Variants in BCR observed in about 807,000 individuals in gnomAD.
The protein encoded by BCR is BCR activator of RhoGEF and GTPase, also known as breakpoint cluster region protein.
BCR carries 58 observed loss-of-function variants against 138.6 expected under a neutral mutation model. That is an observed-to-expected ratio of 0.42 (90% CI 0.34 to 0.52). The LOEUF is 0.52. BCR is among the 20% of genes least tolerant of loss of function. The probability of loss-of-function intolerance (pLI) is 0.06; values close to 1 mark genes in which losing one functional copy is unlikely to be tolerated. For synonymous variants in BCR, 786 were observed against 730.1 expected (o/e 1.08, Z -1.23); for missense variants, 1,599 against 1,727.2 (o/e 0.93, Z 1.32).
intron 16 of BCR, among the ~76,000 whole-genome samples, chr22:23,295,663 C>G (rs1285095771): frequency 6.6e-6 from 1 of 152,154 alleles, no homozygotes; most frequent in Non-Finnish European, 1.5e-5. Context: ...TCCTCCCAGG[C>G]TAATCTGGAA....
At chr22:23,297,222 T>G (rs767282770) in intron 16 of BCR, among the ~76,000 whole-genome samples, 8 of 133,220 alleles carry the variant, frequency 6.0e-5, no homozygotes, top group Middle Eastern at 3.9e-3. Context: ...TTGTTTTTTG[T>G]TTTTTTTTTT....
chr22:23,301,091 A>C (rs570518519), intron 16 of BCR, among the ~76,000 whole-genome samples: 1 of 152,356 alleles, frequency 6.6e-6, no homozygotes, highest in East Asian at 1.9e-4. Context: ...ATCATTTGAC[A>C]TCAGGAGTTC....
At chr22:23,288,826 G>A (rs1422230144) in intron 12 of BCR, among the ~76,000 whole-genome samples, 5 of 152,190 alleles carry the variant, frequency 3.3e-5, no homozygotes, top group African/African-American at 7.2e-5. Context: ...TGGCAGTGTC[G>A]GTGGGGAAGG....
intron 12 of BCR, among the ~76,000 whole-genome samples, chr22:23,288,594 A>C: frequency 7.1e-6 from 1 of 141,222 alleles, no homozygotes; most frequent in Non-Finnish European, 1.5e-5. Context: ...CTCCTCATCT[A>C]CTCCCCGCCC....
intron 1 of BCR, among the ~76,000 whole-genome samples, chr22:23,203,026 G>GT (rs1172467065): frequency 2.0e-5 from 3 of 151,646 alleles, no homozygotes; most frequent in East Asian, 1.9e-4. Context: ...CTCATCTGTC[G>GT]TTTTTTTTCT....
At chr22:23,233,417 T>C (rs1386495492) in intron 1 of BCR, among the ~76,000 whole-genome samples, 1 of 152,146 alleles carries the variant, frequency 6.6e-6, no homozygotes, top group African/African-American at 2.4e-5. Context: ...AACATGAGGC[T>C]CCCTTCTGTG....
chr22:23,295,559 A>C (rs1434102225), intron 16 of BCR, among the ~76,000 whole-genome samples: 1 of 152,058 alleles, frequency 6.6e-6, no homozygotes, highest in Non-Finnish European at 1.5e-5. Context: ...CAGGGGTCCC[A>C]GAGGCTGCCT....
chr22:23,271,359 G>A (rs954449243), intron 5 of BCR, among the ~76,000 whole-genome samples, 173 bp from the exon 6 acceptor site: 8 of 152,352 alleles, frequency 5.3e-5, no homozygotes, highest in African/African-American at 1.4e-4. Flanking sequence ...GGCATCCTGC[G>A]TGCTCGGCTT....
In BCR at chr22:23,263,365, G is replaced by C. The variant is rs925163341; in HGVS notation, c.1752+1825G>C. On this transcript the variant is annotated intron_variant, in intron 4 of 22. Coordinates refer to ENST00000305877, the MANE Select transcript of BCR (RefSeq NM_004327.4). ...ATAGCCTGGGCCTCGCTCAACTCCG[G>C]CTTCACGCGGCTCGGCACCAACCTG... 4.1e-6 allele frequency: 5 copies of C among 1,220,426 alleles called. No homozygotes were observed. In the African/African-American group the frequency reaches 7.4e-5, roughly 18 times the overall value. The allele number at this position is 1,220,426 out of a possible 1,614,324, so 75.6% of individuals were successfully genotyped here. A position where few individuals can be genotyped will look rare whatever the true frequency, so the allele number is the denominator to read the frequency against.
intron 1 of BCR, among the ~76,000 whole-genome samples, chr22:23,185,759 C>T (rs966501494): frequency 3.3e-5 from 5 of 150,822 alleles, no homozygotes; most frequent in Non-Finnish European, 7.4e-5. Context: ...GGCGGAGCCT[C>T]GCTCTGTCGC....
intron 10 of BCR, among the ~76,000 whole-genome samples, chr22:23,286,172 G>A (rs926130330): frequency 8.5e-5 from 13 of 152,244 alleles, no homozygotes; most frequent in African/African-American, 3.1e-4. Flanking sequence ...TGGGGCCCAG[G>A]CCCAGGTGGC....
intron 20 of BCR, among the ~76,000 whole-genome samples, chr22:23,313,729 C>T (rs908445734): frequency 6.6e-6 from 1 of 152,186 alleles, no homozygotes; most frequent in Non-Finnish European, 1.5e-5. Context: ...GCGGCTCCTC[C>T]TGCTGCTGTT....
At chr22:23,220,307 G>T (rs1158760354) in intron 1 of BCR, among the ~76,000 whole-genome samples, 5 of 152,226 alleles carry the variant, frequency 3.3e-5, no homozygotes, top group Admixed American at 3.3e-4. Context: ...ACAGCTGCAT[G>T]TTTGGTTCTA....
chr22:23,290,142 A>T (rs947640155), intron 13 of BCR, 197 bp from the exon 14 acceptor site: 5 of 660,456 alleles, frequency 7.6e-6, no homozygotes, highest in African/African-American at 1.8e-5. Flanking sequence ...GTATTGTGAA[A>T]CCAGCTGGAT....
chr22:23,191,112 G>C (rs1379685628), intron 1 of BCR, among the ~76,000 whole-genome samples: 1 of 151,852 alleles, frequency 6.6e-6, no homozygotes, highest in Non-Finnish European at 1.5e-5. Flanking sequence ...TTTAATTTTT[G>C]TTGAGACAGG....
At chr22:23,214,384 A>G (rs1245319923) in intron 1 of BCR, among the ~76,000 whole-genome samples, 1 of 152,210 alleles carries the variant, frequency 6.6e-6, no homozygotes, top group Non-Finnish European at 1.5e-5. Context: ...TATGAAAAAG[A>G]TGAAAGAGGA....
rs141263577 is a variant in BCR at position 23,297,182 on chromosome 22, G to A, written c.3012+2027G>A. Among the ~76,000 whole-genome samples, 962 of 148,886 alleles carry A rather than the reference G, an allele frequency of 6.5e-3. 9 individuals carry two copies. The highest frequency in any genetic ancestry group is 0.023 in the African/African-American group (920 of 40,196). ...CTCCCAAGTTGTTGGGATTACAGTC[G>A]TGCCCCACCATGCCTGGCTAAGTTG... On this transcript the variant is annotated intron_variant, in intron 16 of 22. Transcript: ENST00000305877.
chr22:23,192,082 C>T (rs1382766176), intron 1 of BCR, among the ~76,000 whole-genome samples: 5 of 152,206 alleles, frequency 3.3e-5, no homozygotes, highest in African/African-American at 1.2e-4. Flanking sequence ...CATAGACCCA[C>T]CTTCCTGGGG....
At chr22:23,246,761 G>A (rs2073161954) in intron 1 of BCR, among the ~76,000 whole-genome samples, 1 of 152,172 alleles carries the variant, frequency 6.6e-6, no homozygotes, top group Non-Finnish European at 1.5e-5. Flanking sequence ...CGTAAAGGGT[G>A]GTGGGTTTTT....
Sources: allele counts gnomAD v4.1 joint callset (sites outside exome capture counted in the v4.1 genomes callset), GRCh38; gene constraint gnomAD v4.1.1; transcripts MANE v1.5; gene names NCBI Gene and HGNC (gene_info 2026-07-23, HGNC 2026-07-21).